The following RALGAPA2 variants were observed in gnomAD, a reference collection of about 807,000 sequenced individuals.
The protein encoded by RALGAPA2 is ral GTPase-activating protein subunit alpha-2.
RALGAPA2 carries 139 observed loss-of-function variants against 230.4 expected under a neutral mutation model. That is an observed-to-expected ratio of 0.60 (90% CI 0.53 to 0.69). RALGAPA2 has a LOEUF of 0.69. Among genes scored for constraint, RALGAPA2 ranks in the 30% least tolerant of loss-of-function variants. The pLI, the probability that RALGAPA2 is intolerant of heterozygous loss-of-function variation, is 0.00. For synonymous variants in RALGAPA2, 847 were observed against 837.8 expected (o/e 1.01, Z -0.19); for missense variants, 2,163 against 2,276.0 (o/e 0.95, Z 1.01).
At chr20:20,464,068 C>G (rs763428253) in intron 37 of RALGAPA2, among the ~76,000 whole-genome samples, 2 of 152,170 alleles carry the variant, frequency 1.3e-5, no homozygotes, top group Non-Finnish European at 2.9e-5. Flanking sequence ...AGCTGGAGGA[C>G]GAAGCGCCAG....
chr20:20,690,370 A>G (rs191842928), intron 1 of RALGAPA2, among the ~76,000 whole-genome samples: 45 of 152,064 alleles, frequency 3.0e-4, no homozygotes, highest in Non-Finnish European at 5.3e-4. Context: ...CTAAGAAACC[A>G]AACTCAGTAA....
rs1156988089 is a variant in RALGAPA2 at position 20,391,156 on chromosome 20, G to C, written c.*2133C>G. On this transcript the variant is annotated 3_prime_UTR_variant, in exon 40 of 40. Transcript: ENST00000202677. ...TGGTAGAGACCTACAGGGGACTCTGGAGCCTAGGAGCATGCGATGGCCTTC... is the reference window on the plus strand; with the variant it reads ...TGGTAGAGACCTACAGGGGACTCTGCAGCCTAGGAGCATGCGATGGCCTTC... 6.6e-6 allele frequency: 1 copy of C among 152,224 alleles called. No homozygotes were observed. Among genetic ancestry groups the C allele is most frequent in the Non-Finnish European group, 1.5e-5 (1 of 68,026 alleles). 9.4% of individuals were successfully genotyped at this position (152,224 alleles called of 1,614,324 possible). A position where few individuals can be genotyped will look rare whatever the true frequency, so the allele number is the denominator to read the frequency against.
At chr20:20,674,707 A>G (rs2068255886) in intron 3 of RALGAPA2, among the ~76,000 whole-genome samples, 1 of 152,264 alleles carries the variant, frequency 6.6e-6, no homozygotes, top group African/African-American at 2.4e-5. Context: ...AAATCTTAGA[A>G]TTAATGTTGA....
intron 3 of RALGAPA2, among the ~76,000 whole-genome samples, chr20:20,654,871 A>T (rs1027680281): frequency 3.9e-5 from 6 of 152,144 alleles, no homozygotes; most frequent in Non-Finnish European, 8.8e-5. Flanking sequence ...ACAGTATACC[A>T]GCATTTCCTT....
chr20:20,591,063 A>AT lies in RALGAPA2; in HGVS notation c.2341+113_2341+114insA, dbSNP rs2065274344. 1.7e-5 allele frequency: 21 copies of AT among 1,226,570 alleles called. No homozygotes were observed. The East Asian group carries it at 5.1e-4, about 30-fold the overall frequency. The allele number at this position is 1,226,570 out of a possible 1,614,324, so 76.0% of individuals were successfully genotyped here. On this transcript the variant is annotated intron_variant, in intron 17 of 39. Transcript: ENST00000202677. ...ATCCTTCTAATCAAATTAAAAAGGT[A>AT]ATTCCCTTGAAATAAATATATTCAG...
intron 37 of RALGAPA2, among the ~76,000 whole-genome samples, chr20:20,433,022 G>A (rs1270890915): frequency 6.6e-6 from 1 of 152,202 alleles, no homozygotes; most frequent in Non-Finnish European, 1.5e-5. Flanking sequence ...TAAAGAGCCT[G>A]CATTTTAAGA....
rs2060615016 is a variant in RALGAPA2 at position 20,436,464 on chromosome 20, T to C, written c.5496-24316A>G. ...TTCCTTCTTCCAATGCCATCCCTAA[T>C]ATGAAGAAAAAACTGGTAGTGGTTG... On this transcript the variant is annotated intron_variant, in intron 37 of 39. Coordinates refer to ENST00000202677, the MANE Select transcript of RALGAPA2 (RefSeq NM_020343.4). Among the ~76,000 whole-genome samples, 3 of 152,140 alleles carry C rather than the reference T, an allele frequency of 2.0e-5. No individual in the cohort carries two copies. The South Asian group carries it at 6.2e-4, about 32-fold the overall frequency.
At chr20:20,571,226 T>A (rs978101451) in intron 23 of RALGAPA2, among the ~76,000 whole-genome samples, 1 of 152,094 alleles carries the variant, frequency 6.6e-6, no homozygotes, top group Non-Finnish European at 1.5e-5. Flanking sequence ...TAGAATAAAA[T>A]TAAAATTTGG....
chr20:20,432,005 T>C (rs146689476), intron 37 of RALGAPA2, among the ~76,000 whole-genome samples: 7 of 152,308 alleles, frequency 4.6e-5, no homozygotes, highest in African/African-American at 1.7e-4. Flanking sequence ...GGGTTATACA[T>C]CAGTTAACTT....
chr20:20,595,754 C>T (rs1205086618), intron 16 of RALGAPA2, among the ~76,000 whole-genome samples: 1 of 152,084 alleles, frequency 6.6e-6, no homozygotes, highest in East Asian at 1.9e-4. Flanking sequence ...GAATTCAAGA[C>T]CAGCCTGGTC....
intron 34 of RALGAPA2, chr20:20,504,856 G>T: frequency 2.7e-6 from 1 of 375,846 alleles, no homozygotes; most frequent in Non-Finnish European, 3.7e-6. Flanking sequence ...GGAAAGGTGT[G>T]TATGTGTGTA....
At chr20:20,593,990 G>A (rs971947340) in intron 16 of RALGAPA2, among the ~76,000 whole-genome samples, 14 of 152,162 alleles carry the variant, frequency 9.2e-5, no homozygotes, top group African/African-American at 3.1e-4. Context: ...GATGGAGAAA[G>A]TCCAAGCCTT....
chr20:20,642,102 G>C (rs1031565205), intron 5 of RALGAPA2, among the ~76,000 whole-genome samples: 1 of 115,344 alleles, frequency 8.7e-6, no homozygotes, highest in Non-Finnish European at 1.8e-5. Flanking sequence ...CCATCAGACC[G>C]AGAGGGGAGG....
chr20:20,478,727 C>T (rs112804063), intron 36 of RALGAPA2, among the ~76,000 whole-genome samples: 3 of 151,890 alleles, frequency 2.0e-5, no homozygotes, highest in African/African-American at 4.8e-5. Context: ...GAGCAAGGGT[C>T]GAAAAATTAA....
At chr20:20,410,586 G>A (rs539588663) in intron 38 of RALGAPA2, among the ~76,000 whole-genome samples, 4 of 152,124 alleles carry the variant, frequency 2.6e-5, no homozygotes, top group Non-Finnish European at 4.4e-5. Flanking sequence ...AATTAGAAAC[G>A]ATTTAAAATC....
chr20:20,601,957 C>T, intron 15 of RALGAPA2, 111 bp from the exon 16 acceptor site: 1 of 986,560 alleles, frequency 1.0e-6, no homozygotes, highest in Non-Finnish European at 1.4e-6. Flanking sequence ...CAGCAGGTTT[C>T]CTTGTCACAA....
Position 20,458,358 on chromosome 20 carries a change from C to T in RALGAPA2, c.5495+14471G>A, listed in dbSNP as rs113334266. On this transcript the variant is annotated intron_variant, in intron 37 of 39. Coordinates refer to ENST00000202677, the MANE Select transcript of RALGAPA2 (RefSeq NM_020343.4). ...TAAACTTCCAAATAAGAGCTGAGTA[C>T]ATTTTGAATCTGTTTGTCCAAAAAA... Among the ~76,000 whole-genome samples the T allele has an allele frequency of 3.2e-3, 481 of 149,080 alleles. 3 individuals carry two copies. Among genetic ancestry groups the T allele is most frequent in the African/African-American group, 0.011 (459 of 40,552 alleles).
chr20:20,616,279 C>A, intron 12 of RALGAPA2, 88 bp from the exon 13 acceptor site: 2 of 985,662 alleles, frequency 2.0e-6, no homozygotes, highest in Non-Finnish European at 2.8e-6. Flanking sequence ...TTCACTCTAC[C>A]AATGAAATCA....
intron 31 of RALGAPA2, among the ~76,000 whole-genome samples, chr20:20,518,513 G>C (rs1324194876): frequency 1.3e-5 from 2 of 152,138 alleles, no homozygotes; most frequent in Admixed American, 6.5e-5. Context: ...CGCTTGGCAA[G>C]GACGTGCACA....
Sources: allele counts gnomAD v4.1 joint callset (sites outside exome capture counted in the v4.1 genomes callset), GRCh38; gene constraint gnomAD v4.1.1; transcripts MANE v1.5; gene names NCBI Gene and HGNC (gene_info 2026-07-23, HGNC 2026-07-21).